SIL1: variants seen among roughly 807,000 people sequenced by gnomAD.
SIL1 encodes the protein nucleotide exchange factor SIL1.
SIL1 carries 40 observed loss-of-function variants against 49.1 expected under a neutral mutation model. That is an observed-to-expected ratio of 0.81 (90% CI 0.63 to 1.06). SIL1 has a LOEUF of 1.06. Among genes scored for constraint, SIL1 ranks in the 50% least tolerant of loss-of-function variants. The pLI is 0.00. For missense variants in SIL1, 500 were observed against 572.6 expected (o/e 0.87, Z 1.29); for synonymous variants, 253 against 250.8 (o/e 1.01, Z -0.08).
intron 3 of SIL1, among the ~76,000 whole-genome samples, chr5:139,052,683 C>CA (rs902692084): frequency 6.1e-5 from 9 of 147,340 alleles, no homozygotes; most frequent in Non-Finnish European, 1.1e-4. Flanking sequence ...GACTCCGTCT[C>CA]AAAAAAAAAA....
At chr5:139,036,516 C>CA (rs1475593412) in intron 5 of SIL1, among the ~76,000 whole-genome samples, 1 of 152,114 alleles carries the variant, frequency 6.6e-6, no homozygotes, top group Non-Finnish European at 1.5e-5. Context: ...ACTACGCAGC[C>CA]ATAAAAAAGA....
intron 7 of SIL1, among the ~76,000 whole-genome samples, chr5:139,003,133 ACTCTAGTATT>A (rs1291455263): frequency 5.1e-4 from 77 of 151,786 alleles, no homozygotes; most frequent in Admixed American, 5.0e-3. Flanking sequence ...GGCAATTAGG[ACTCTAGTATT>A]CTCTGTGTGC....
chr5:139,078,510 C>T lies in SIL1; in HGVS notation c.245-27464G>A, dbSNP rs754171055. 7.2e-5 allele frequency among the ~76,000 whole-genome samples: 11 copies of T among 152,208 alleles called. No individual in the cohort carries two copies. In the South Asian group the frequency reaches 1.2e-3, roughly 17 times the overall value. On this transcript the variant is annotated intron_variant, in intron 3 of 9. Coordinates refer to ENST00000394817, the MANE Select transcript of SIL1 (RefSeq NM_022464.5). ...CTTTAGGTTTCACCAGACCTGCTTT[C>T]TCCACCACTTCCTGCTGGGGAGACG...
chr5:138,961,199 A>G (rs989332955), intron 7 of SIL1, among the ~76,000 whole-genome samples: 11 of 152,202 alleles, frequency 7.2e-5, no homozygotes, highest in African/African-American at 2.7e-4. Flanking sequence ...ACAGTTGCCC[A>G]TTGTGTCTCC....
intron 7 of SIL1, among the ~76,000 whole-genome samples, chr5:138,970,628 C>T (rs1767248211): frequency 2.0e-5 from 3 of 152,204 alleles, no homozygotes; most frequent in South Asian, 4.1e-4. Flanking sequence ...CTTTGCTTCT[C>T]TCCAGTTTTC....
chr5:139,066,647 T>G (rs1461818953), intron 3 of SIL1, among the ~76,000 whole-genome samples: 1 of 152,204 alleles, frequency 6.6e-6, no homozygotes, highest in Non-Finnish European at 1.5e-5. Flanking sequence ...ATCTACTATG[T>G]GCCAGGTTTT....
At chr5:139,147,995 G>A (rs547485689) in intron 1 of SIL1, among the ~76,000 whole-genome samples, 2 of 152,158 alleles carry the variant, frequency 1.3e-5, no homozygotes, top group South Asian at 2.1e-4. Flanking sequence ...TCCTAATGAG[G>A]TGGCTTCTCT....
At chr5:139,131,269 T>C (rs1352517776) in intron 1 of SIL1, among the ~76,000 whole-genome samples, 1 of 152,162 alleles carries the variant, frequency 6.6e-6, no homozygotes, top group Non-Finnish European at 1.5e-5. Flanking sequence ...GCAGCACCTC[T>C]GAAGAATGCG....
chr5:139,135,072 G>T (rs928739317), intron 1 of SIL1, among the ~76,000 whole-genome samples: 3 of 152,220 alleles, frequency 2.0e-5, no homozygotes, highest in Non-Finnish European at 2.9e-5. Context: ...AAACAAGTTT[G>T]TAATAGTCAG....
chr5:139,143,664 G>A (rs994064981), intron 1 of SIL1, among the ~76,000 whole-genome samples: 2 of 151,958 alleles, frequency 1.3e-5, no homozygotes, highest in South Asian at 2.1e-4. Context: ...AAGCCACCAC[G>A]CCCAGCCAAT....
At chr5:138,960,750 C>T (rs1457208543) in intron 7 of SIL1, among the ~76,000 whole-genome samples, 1 of 152,216 alleles carries the variant, frequency 6.6e-6, no homozygotes, top group Non-Finnish European at 1.5e-5. Flanking sequence ...CCACGGCACT[C>T]GGCCTCAAAT....
At chr5:139,111,508 C>G (rs892709852) in intron 3 of SIL1, among the ~76,000 whole-genome samples, 10 of 152,156 alleles carry the variant, frequency 6.6e-5, no homozygotes, top group Non-Finnish European at 1.3e-4. Context: ...CTTCAGTGTC[C>G]TCTGCATTCT....
chr5:138,958,985 T>C (rs528606340), intron 7 of SIL1, among the ~76,000 whole-genome samples: 6 of 152,370 alleles, frequency 3.9e-5, no homozygotes, highest in Non-Finnish European at 8.8e-5. Context: ...TCCATTTCTA[T>C]CATTTACTTC....
chr5:139,087,827 A>G (rs1363774178), intron 3 of SIL1, among the ~76,000 whole-genome samples: 1 of 152,156 alleles, frequency 6.6e-6, no homozygotes, highest in African/African-American at 2.4e-5. Context: ...CCTTACACCA[A>G]GTTCTCAAAC....
At chr5:139,170,289 C>T (rs549983179) in intron 1 of SIL1, among the ~76,000 whole-genome samples, 29 of 152,214 alleles carry the variant, frequency 1.9e-4, no homozygotes, top group Admixed American at 3.9e-4. Flanking sequence ...CGGCCGCCAC[C>T]CCGTCTGGGA....
At chr5:139,065,487 C>T (rs1202584653) in intron 3 of SIL1, among the ~76,000 whole-genome samples, 1 of 152,216 alleles carries the variant, frequency 6.6e-6, no homozygotes, top group African/African-American at 2.4e-5. Context: ...TGCAACAATG[C>T]ACCAAAGAGC....
chr5:138,953,974 G>A (rs189436206), intron 7 of SIL1, among the ~76,000 whole-genome samples: 17 of 152,342 alleles, frequency 1.1e-4, no homozygotes, highest in Admixed American at 2.6e-4. Context: ...GCTCATCACA[G>A]CACCCCATCA....
intron 3 of SIL1, among the ~76,000 whole-genome samples, chr5:139,100,680 T>A (rs1170734226): frequency 1.3e-5 from 2 of 152,178 alleles, no homozygotes; most frequent in Admixed American, 6.5e-5. Flanking sequence ...GGATATATTT[T>A]TTGAAGACAG....
intron 3 of SIL1, among the ~76,000 whole-genome samples, chr5:139,094,479 GA>G (rs1478735889): frequency 1.3e-5 from 2 of 152,158 alleles, no homozygotes; most frequent in African/African-American, 4.8e-5. Flanking sequence ...AAGTGCTAAG[GA>G]GCAAAATAAT....
Sources: allele counts gnomAD v4.1 joint callset (sites outside exome capture counted in the v4.1 genomes callset), GRCh38; gene constraint gnomAD v4.1.1; transcripts MANE v1.5; gene names NCBI Gene and HGNC (gene_info 2026-07-23, HGNC 2026-07-21).